THBD: variants seen among roughly 807,000 people sequenced by gnomAD.
THBD encodes thrombomodulin.
For missense variants in THBD, 850 were observed against 816.9 expected (o/e 1.04, Z -0.49); for synonymous variants, 449 against 374.2 (o/e 1.20, Z -2.31).
chr20:23,047,805 C>T lies in THBD; in HGVS notation c.1700G>A (p.Arg567Gln), dbSNP rs368774068. Residue 567 changes from arginine (R) to glutamine (Q), a missense_variant, in exon 1 of 1, where the codon CGG becomes CAG. By Grantham distance (43) the Arg-to-Gln change is conservative. Transcript: ENST00000377103. Reference protein sequence around the residue: ...PSKEVVLQHVRTERTPQRL With the variant: ...PSKEVVLQHVQTERTPQRL Reference sequence around the variant, plus strand: ...GAGTCTCTGCGGCGTCCGCTCGGTCCGCACGTGCTGCAGCACTACCTCCTT... The same window carrying T: ...GAGTCTCTGCGGCGTCCGCTCGGTCTGCACGTGCTGCAGCACTACCTCCTT... 1.6e-5 allele frequency: 25 copies of T among 1,595,370 alleles called. No individual in the cohort carries two copies. The African/African-American group carries it at 2.7e-4, about 17-fold the overall frequency.
chr20:23,049,394 C>G lies in THBD; in HGVS notation c.111G>C (p.Ala37=), dbSNP rs1306453500. ...GGAAGGTCGCGGGGCCCGGGTAGAG[C>G]GCGAAGCAGTCGTGCTCGACGCACT... ...GSQCVEHDCF[A]LYPGPATFLN... is the part of the protein sequence containing the mutation. The change falls in exon 1 of 1, where the codon GCG becomes GCC. Residue 37 remains alanine (A), a synonymous_variant. Coordinates refer to ENST00000377103, the MANE Select transcript of THBD (RefSeq NM_000361.3). The G allele has an allele frequency of 6.3e-7, 1 of 1,597,712 alleles. No homozygotes were observed. The highest frequency in any genetic ancestry group is 2.3e-5 in the East Asian group (1 of 44,210).
chr20:23,048,122 G>A lies in THBD; in HGVS notation c.1383C>T (p.Thr461=), dbSNP rs749746098. The A allele has an allele frequency of 2.5e-6, 4 of 1,613,606 alleles. No homozygotes were observed. In the South Asian group the frequency reaches 4.4e-5, roughly 18 times the overall value. Residue 461 remains threonine, a synonymous_variant, in exon 1 of 1, where the codon ACC becomes ACT. Transcript: ENST00000377103. The stretch of plus-strand genomic sequence containing the variant: ...AGTCGGGCCCGCAGATGCACTCGAA[G>A]GTACCGGGGAGGTTGTGGCACACCC... ...CSGVCHNLPG[T]FECICGPDSA...
In THBD at chr20:23,049,671, A is replaced by G. The variant is rs1003818570; in HGVS notation, c.-167T>C. The G allele has an allele frequency of 9.8e-6, 9 of 916,944 alleles. No individual in the cohort carries two copies. Among genetic ancestry groups the G allele is most frequent in the African/African-American group, 6.8e-5 (4 of 59,026 alleles). 56.8% of individuals were successfully genotyped at this position (916,944 alleles called of 1,614,324 possible). A position where few individuals can be genotyped will look rare whatever the true frequency, so the allele number is the denominator to read the frequency against. On this transcript the variant is annotated 5_prime_UTR_variant, in exon 1 of 1. An upstream start codon of the reference 5' UTR is lost. Coordinates refer to ENST00000377103, the MANE Select transcript of THBD (RefSeq NM_000361.3). ...CAGCCCCTGCGAGGCAGCCTCTGACATGCGGATCGGCCAGGGCTCGAGTTT... is the reference window on the plus strand; with the variant it reads ...CAGCCCCTGCGAGGCAGCCTCTGACGTGCGGATCGGCCAGGGCTCGAGTTT...
At position 23,047,753 on chromosome 20, in the gene THBD, G is replaced by T. The variant is rs1371532377; in HGVS notation, c.*24C>A. 3.2e-6 allele frequency: 5 copies of T among 1,549,068 alleles called. No individual in the cohort carries two copies. The highest frequency in any genetic ancestry group is 4.4e-6 in the Non-Finnish European group (5 of 1,147,670). On this transcript the variant is annotated 3_prime_UTR_variant, in exon 1 of 1. Transcript: ENST00000377103. ...GAGGAGGCACAGGCTCCTGGACGGA[G>T]CCAGGCTCCTGGACGGAGGCCGCTC...
At position 23,047,429 on chromosome 20, in the gene THBD, G is replaced by C. The variant is rs1276387271; in HGVS notation, c.*348C>G. ...ATACTTAAAAAAAATAAATATTTTA[G>C]TCATCCCTAGCCCACGAGGTCAAGG... On this transcript the variant is annotated 3_prime_UTR_variant, in exon 1 of 1. Coordinates refer to ENST00000377103, the MANE Select transcript of THBD (RefSeq NM_000361.3). The C allele has an allele frequency of 2.8e-6, 1 of 352,748 alleles. No homozygotes were observed. Among genetic ancestry groups the C allele is most frequent in the African/African-American group, 2.1e-5 (1 of 47,718 alleles). The allele number at this position is 352,748 out of a possible 1,614,324, so 21.9% of individuals were successfully genotyped here.
Position 23,048,058 on chromosome 20 carries a change from C to A in THBD, c.1447G>T (p.Gly483Cys), listed in dbSNP as rs768614815. 1 of 1,612,716 alleles carries A rather than the reference C, an allele frequency of 6.2e-7. No homozygotes were observed. Among genetic ancestry groups the A allele is most frequent in the Non-Finnish European group, 8.5e-7 (1 of 1,179,590 alleles). ...CCGCTGTCGCCACCGTCCACCTTGC[C>A]GGAGTCACAGTCGGTGCCAATGTGG... ...ARHIGTDCDS[G>C]KVDGGDSGSG... Residue 483 changes from glycine to cysteine, a missense_variant, in exon 1 of 1, where the codon GGC becomes TGC. Gly to Cys is a radical substitution (Grantham distance 159). Transcript: ENST00000377103.
rs1448888526 is a variant in THBD at position 23,048,129 on chromosome 20, G to A, written c.1376C>T (p.Pro459Leu). Residue 459 changes from proline (P) to leucine (L), a missense_variant, in exon 1 of 1, where the codon CCC (proline) becomes CTC (leucine). Transcript: ENST00000377103. ...CCCGCAGATGCACTCGAAGGTACCG[G>A]GGAGGTTGTGGCACACCCCGGAGCA... ...GFCSGVCHNL[P>L]GTFECICGPD... is the part of the protein sequence containing the mutation. 4.3e-6 allele frequency: 7 copies of A among 1,613,550 alleles called. No individual in the cohort carries two copies. In the African/African-American group the frequency reaches 8.0e-5, roughly 18 times the overall value.
chr20:23,047,620 C>T lies in THBD; in HGVS notation c.*157G>A. On this transcript the variant is annotated 3_prime_UTR_variant, in exon 1 of 1. Coordinates refer to ENST00000377103, the MANE Select transcript of THBD (RefSeq NM_000361.3). ...GGCTCATTCTCCTCCCTCTAATCAC[C>T]CCCTCGCCAGTTAGCCATGGAATAG... 1 of 878,440 alleles carries T rather than the reference C, an allele frequency of 1.1e-6. No individual in the cohort carries two copies. The highest frequency in any genetic ancestry group is 1.7e-6 in the Non-Finnish European group (1 of 589,450). 54.4% of individuals were successfully genotyped at this position (878,440 alleles called of 1,614,324 possible).
In THBD at chr20:23,047,945, G is replaced by T. The variant is rs1192734331; in HGVS notation, c.1560C>A (p.Gly520=). Reference sequence around the variant, plus strand: ...CCAGGCACAGGCTCGCGATGGAGATGCCTATGAGCAAGCCCGAATGCACGA... The same window carrying T: ...CCAGGCACAGGCTCGCGATGGAGATTCCTATGAGCAAGCCCGAATGCACGA... ...VGLVHSGLLI[G]ISIASLCLVV... Residue 520 remains glycine (G), a synonymous_variant, in exon 1 of 1, where the codon GGC becomes GGA. Coordinates refer to ENST00000377103, the MANE Select transcript of THBD (RefSeq NM_000361.3). 1 of 1,609,800 alleles carries T rather than the reference G, an allele frequency of 6.2e-7. No individual in the cohort carries two copies. The highest frequency in any genetic ancestry group is 8.5e-7 in the Non-Finnish European group (1 of 1,178,538).
chr20:23,047,935 C>A lies in THBD; in HGVS notation c.1570G>T (p.Ala524Ser). The change falls in exon 1 of 1, where the codon GCG becomes TCG. Residue 524 changes from alanine to serine, a missense_variant. Transcript: ENST00000377103. ...HSGLLIGISI[A>S]SLCLVVALLA... ...AGCGCCACCACCAGGCACAGGCTCGCGATGGAGATGCCTATGAGCAAGCCC... is the reference window on the plus strand; with the variant it reads ...AGCGCCACCACCAGGCACAGGCTCGAGATGGAGATGCCTATGAGCAAGCCC... 4 of 1,609,806 alleles carry A rather than the reference C, an allele frequency of 2.5e-6. No homozygotes were observed. The highest frequency in any genetic ancestry group is 2.5e-6 in the Non-Finnish European group (3 of 1,178,500).
Position 23,049,377 on chromosome 20 carries a change from G to A in THBD, c.128C>T (p.Ala43Val), listed in dbSNP as rs768321291. The change falls in exon 1 of 1, where the codon GCG becomes GTG. Residue 43 changes from alanine (A) to valine (V), a missense_variant. By Grantham distance (64) the Ala-to-Val change is moderately conservative. Transcript: ENST00000377103. ...GATCTGACTGGCATTGAGGAAGGTC[G>A]CGGGGCCCGGGTAGAGCGCGAAGCA... ...HDCFALYPGPATFLNASQICD... is the reference protein window; with the variant it reads ...HDCFALYPGPVTFLNASQICD... 10 of 1,602,350 alleles carry A rather than the reference G, an allele frequency of 6.2e-6. No homozygotes were observed. The highest frequency in any genetic ancestry group is 8.5e-6 in the Non-Finnish European group (10 of 1,175,548).
chr20:23,048,145 C>A lies in THBD; in HGVS notation c.1360G>T (p.Val454Leu), dbSNP rs1449066985. 1.2e-6 allele frequency: 2 copies of A among 1,613,570 alleles called. No homozygotes were observed. Among genetic ancestry groups the A allele is most frequent in the East Asian group, 2.2e-5 (1 of 44,886 alleles). Reference sequence around the variant, plus strand: ...AAGGTACCGGGGAGGTTGTGGCACACCCCGGAGCAGAAGCCGCCGTTTTCG... The same window carrying A: ...AAGGTACCGGGGAGGTTGTGGCACAACCCGGAGCAGAAGCCGCCGTTTTCG... Reference protein sequence around the residue: ...ECENGGFCSGVCHNLPGTFEC... With the variant: ...ECENGGFCSGLCHNLPGTFEC... Residue 454 changes from valine to leucine, a missense_variant, in exon 1 of 1, where the codon GTG (valine) becomes TTG (leucine). By Grantham distance (32) the Val-to-Leu change is conservative. Transcript: ENST00000377103.
In THBD at chr20:23,048,186, G is replaced by A. The variant is rs1438620913; in HGVS notation, c.1319C>T (p.Thr440Met). The A allele has an allele frequency of 8.1e-6, 13 of 1,614,040 alleles. No individual in the cohort carries two copies. In the East Asian group the frequency reaches 1.3e-4, roughly 17 times the overall value. ...GCCGTTTTCGCACTCGTCGATGTCC[G>A]TGCAGATGAAACCGTCGTCCAGGAT... ...GYILDDGFIC[T>M]DIDECENGGF... is the part of the protein sequence containing the mutation. Residue 440 changes from threonine to methionine, a missense_variant, in exon 1 of 1, where the codon ACG (threonine) becomes ATG (methionine). Thr to Met is a moderately conservative substitution (Grantham distance 81). Transcript: ENST00000377103.
At position 23,048,383 on chromosome 20, in the gene THBD, G is replaced by T; in HGVS notation, c.1122C>A (p.Cys374Ter). ...EPVDPCFRAN[C>*]EYQCQPLNQT... Reference sequence around the variant, plus strand: ...GGTTCAGGGGCTGGCACTGGTACTCGCAGTTGGCTCTGAAGCACGGGTCCA... The same window carrying T: ...GGTTCAGGGGCTGGCACTGGTACTCTCAGTTGGCTCTGAAGCACGGGTCCA... Residue 374 changes from cysteine (C) to a stop codon, truncating the protein, a stop_gained, in exon 1 of 1, where the codon TGC (cysteine) becomes TGA (stop). Coordinates refer to ENST00000377103, the MANE Select transcript of THBD (RefSeq NM_000361.3). LOFTEE classifies it low-confidence loss of function (END_TRUNC). 1.2e-6 allele frequency: 2 copies of T among 1,613,976 alleles called. No individual in the cohort carries two copies. The highest frequency in any genetic ancestry group is 2.2e-5 in the South Asian group (2 of 91,084).
rs779024516 is a variant in THBD, at chr20:23,049,253, C to T, written c.252G>A (p.Arg84=). 11 of 1,544,868 alleles carry T rather than the reference C, an allele frequency of 7.1e-6. No homozygotes were observed. Among genetic ancestry groups the T allele is most frequent in the Non-Finnish European group, 6.1e-6 (7 of 1,147,978 alleles). Reference sequence around the variant, plus strand: ...GCAGCTGCAGGCCGATCCAGAGGCGCCGGCGGCCAACGCCGCCGTCGCCGT... The same window carrying T: ...GCAGCTGCAGGCCGATCCAGAGGCGTCGGCGGCCAACGCCGCCGTCGCCGT... ...LLNGDGGVGR[R]RLWIGLQLPP... is the part of the protein sequence containing the mutation. Residue 84 remains arginine, a synonymous_variant, in exon 1 of 1, where the codon CGG becomes CGA. Transcript: ENST00000377103.
In THBD at chr20:23,047,749, C is replaced by G; in HGVS notation, c.*28G>C. On this transcript the variant is annotated 3_prime_UTR_variant, in exon 1 of 1. Transcript: ENST00000377103. ...GGGTGAGGAGGCACAGGCTCCTGGACGGAGCCAGGCTCCTGGACGGAGGCC... is the reference window on the plus strand; with the variant it reads ...GGGTGAGGAGGCACAGGCTCCTGGAGGGAGCCAGGCTCCTGGACGGAGGCC... The G allele has an allele frequency of 6.5e-7, 1 of 1,544,692 alleles. No individual in the cohort carries two copies. The highest frequency in any genetic ancestry group is 8.7e-7 in the Non-Finnish European group (1 of 1,145,126).
chr20:23,049,318 G>A lies in THBD; in HGVS notation c.187C>T (p.Arg63Cys). Residue 63 changes from arginine to cysteine, a missense_variant, in exon 1 of 1, where the codon CGC (arginine) becomes TGC (cysteine). Coordinates refer to ENST00000377103, the MANE Select transcript of THBD (RefSeq NM_000361.3). ...ATGACATCGGCAGCCACCGAGGAGC[G>A]CACTGTCATTAGGTGGCCCCGCAGT... ...DGLRGHLMTV[R>C]SSVAADVISL... 1 of 1,598,698 alleles carries A rather than the reference G, an allele frequency of 6.3e-7. No individual in the cohort carries two copies. The highest frequency in any genetic ancestry group is 2.3e-5 in the East Asian group (1 of 44,228).
chr20:23,047,715 C>T lies in THBD; in HGVS notation c.*62G>A, dbSNP rs565111682. The stretch of plus-strand genomic sequence containing the variant: ...AATGCCAGCTAAGGTGCTTTGGTAG[C>T]AAAGCTGGGGGTGAGGAGGCACAGG... On this transcript the variant is annotated 3_prime_UTR_variant, in exon 1 of 1. Transcript: ENST00000377103. 2.6e-6 allele frequency: 4 copies of T among 1,518,416 alleles called. No individual in the cohort carries two copies. Among genetic ancestry groups the T allele is most frequent in the Admixed American group, 4.1e-5 (2 of 49,338 alleles). The allele number at this position is 1,518,416 out of a possible 1,614,324, so 94.1% of individuals were successfully genotyped here.
rs1413783119 is a variant in THBD, at chr20:23,046,380, A to G, written c.*1397T>C. On this transcript the variant is annotated 3_prime_UTR_variant, in exon 1 of 1. Coordinates refer to ENST00000377103, the MANE Select transcript of THBD (RefSeq NM_000361.3). The stretch of plus-strand genomic sequence containing the variant: ...TCATGTATTCCAGAAAATTGGAAGC[A>G]GTCTGGAATGGTTGTCCTCAAATTA... 6.6e-6 allele frequency: 1 copy of G among 152,246 alleles called. No individual in the cohort carries two copies. Among genetic ancestry groups the G allele is most frequent in the African/African-American group, 2.4e-5 (1 of 41,460 alleles). 9.4% of individuals were successfully genotyped at this position (152,246 alleles called of 1,614,324 possible).
Sources: allele counts gnomAD v4.1 joint callset, GRCh38; gene constraint gnomAD v4.1.1; transcripts MANE v1.5; gene names NCBI Gene and HGNC (gene_info 2026-07-23, HGNC 2026-07-21).